SEC14L1: variants seen among roughly 807,000 people sequenced by gnomAD.
The protein encoded by SEC14L1 is SEC14-like protein 1.
In SEC14L1, 48 loss-of-function variants were observed where a neutral mutation model predicts 85.3. The observed-to-expected ratio is 0.56, with a 90% CI of 0.45 to 0.72. The LOEUF (loss-of-function observed/expected upper bound fraction) is 0.72. Among genes scored for constraint, SEC14L1 ranks in the 30% least tolerant of loss-of-function variants. The pLI, the probability that SEC14L1 is intolerant of heterozygous loss-of-function variation, is 0.00. For synonymous variants in SEC14L1, 391 were observed against 355.5 expected, an observed-to-expected ratio of 1.10 and a Z score of -1.12; for missense variants, 682 against 921.4, an observed-to-expected ratio of 0.74 and a Z score of 3.36.
At position 77,200,493 on chromosome 17, in the gene SEC14L1, G is replaced by C. The variant is rs769539109; in HGVS notation, c.829G>C (p.Asp277His). 4.3e-6 allele frequency: 7 copies of C among 1,612,628 alleles called. No homozygotes were observed. The South Asian group carries it at 7.7e-5, about 18-fold the overall frequency. Residue 277 changes from aspartate (D) to histidine (H), a missense_variant, in exon 9 of 17, where the codon GAT becomes CAT. Physicochemically the swap from Asp to His is moderately conservative, Grantham distance 81. Transcript: ENST00000436233. ...QETHKGKIPK[D>H]EHILRFLRAR... is the part of the protein sequence containing the mutation. ...CTTTTTCTCTTAATAGATTCCAAAA[G>C]ATGAGCATATTCTTCGGTTCCTCCG...
chr17:77,213,203 C>A lies in SEC14L1; in HGVS notation c.1864-111C>A. 1 of 901,378 alleles carries A rather than the reference C, an allele frequency of 1.1e-6. No individual in the cohort carries two copies. The highest frequency in any genetic ancestry group is 1.6e-6 in the Non-Finnish European group (1 of 606,742). 55.8% of individuals were successfully genotyped at this position (901,378 alleles called of 1,614,324 possible). Reference sequence around the variant, plus strand: ...GTTCTGAATCCCATTGAGATAGTTTCCGTAGCTACATGAAATCCTAAAGAC... The same window carrying A: ...GTTCTGAATCCCATTGAGATAGTTTACGTAGCTACATGAAATCCTAAAGAC... On this transcript the variant is annotated intron_variant, in intron 15 of 16. Coordinates refer to ENST00000436233, the MANE Select transcript of SEC14L1 (RefSeq NM_001143998.2). The surrounding 1 kb of genome is among the most constrained non-coding windows in gnomAD (Gnocchi z 7.1).
chr17:77,123,402 C>A (rs1182106485), intron 3 of SEC14L1, among the ~76,000 whole-genome samples: 2 of 126,866 alleles, frequency 1.6e-5, no homozygotes, highest in Admixed American at 1.7e-4. Flanking sequence ...TGAAGTGGGT[C>A]CCAGGCCCAC....
Position 77,182,753 on chromosome 17 carries a change from A to G in SEC14L1, c.64-8050A>G, listed in dbSNP as rs189046227. On this transcript the variant is annotated intron_variant, in intron 3 of 16. Transcript: ENST00000436233. ...CGGCGCAGTGATTTGAACCTGGGAGAGTTGAAAAAGGGGTTCTTCCCACAT... is the reference window on the plus strand; with the variant it reads ...CGGCGCAGTGATTTGAACCTGGGAGGGTTGAAAAAGGGGTTCTTCCCACAT... Among the ~76,000 whole-genome samples, 7 of 152,282 alleles carry G rather than the reference A, an allele frequency of 4.6e-5. No homozygotes were observed. The East Asian group carries it at 1.3e-3, about 29-fold the overall frequency.
chr17:77,169,261 C>T (rs1486520609), intron 3 of SEC14L1, among the ~76,000 whole-genome samples: 1 of 152,102 alleles, frequency 6.6e-6, no homozygotes, highest in Non-Finnish European at 1.5e-5. Context: ...TAATCTTTCC[C>T]CTTGCCATGA....
intron 3 of SEC14L1, among the ~76,000 whole-genome samples, chr17:77,159,677 C>A (rs1364629593): frequency 6.6e-6 from 1 of 152,224 alleles, no homozygotes; most frequent in Admixed American, 6.5e-5. Flanking sequence ...CCGCTCCCGG[C>A]CCTTGTCTTT....
intron 3 of SEC14L1, among the ~76,000 whole-genome samples, chr17:77,108,059 G>A (rs1278211093): frequency 1.3e-5 from 2 of 151,980 alleles, no homozygotes; most frequent in Non-Finnish European, 2.9e-5. Context: ...AAATGTTTGT[G>A]TCAGTTTTCA....
chr17:77,203,587 G>C lies in SEC14L1; in HGVS notation c.1027G>C (p.Val343Leu). 1 of 1,613,600 alleles carries C rather than the reference G, an allele frequency of 6.2e-7. No homozygotes were observed. Among genetic ancestry groups the C allele is most frequent in the Non-Finnish European group, 8.5e-7 (1 of 1,179,860 alleles). The change falls in exon 10 of 17, where the codon GTG (valine) becomes CTG (leucine). Residue 343 changes from valine (V) to leucine (L), a missense_variant. Coordinates refer to ENST00000436233, the MANE Select transcript of SEC14L1 (RefSeq NM_001143998.2). ...CTCTGCAGATGGGCGGCCCCTCTAC[G>C]TGCTCAGGCTGGGGCAGATGGACAC... The part of the protein sequence containing the change: ...HHDKDGRPLY[V>L]LRLGQMDTKG...
intron 3 of SEC14L1, among the ~76,000 whole-genome samples, chr17:77,116,796 C>G (rs1972179556): frequency 6.6e-6 from 1 of 152,130 alleles, no homozygotes. Context: ...TCTTTCATGT[C>G]TGTAAGGAGC....
At chr17:77,089,867 A>AT (rs1357067786) in intron 2 of SEC14L1, 1 of 172,052 alleles carries the variant, frequency 5.8e-6, no homozygotes, top group East Asian at 1.9e-4. Context: ...AATACAAAAA[A>AT]TTAGCTGGGC....
intron 3 of SEC14L1, among the ~76,000 whole-genome samples, chr17:77,101,090 C>G (rs1367850060): frequency 6.6e-6 from 1 of 152,144 alleles, no homozygotes; most frequent in Non-Finnish European, 1.5e-5. Context: ...TTGCCAGTCT[C>G]TACCCAGAAG....
At chr17:77,192,087 G>T (rs563469849) in intron 5 of SEC14L1, among the ~76,000 whole-genome samples, 9 of 152,110 alleles carry the variant, frequency 5.9e-5, no homozygotes, top group Non-Finnish European at 1.3e-4. Context: ...GAGCCACCAC[G>T]CCTGGCCTTA....
In SEC14L1 at chr17:77,213,849, A is replaced by G; in HGVS notation, c.2043-69A>G. On this transcript the variant is annotated intron_variant, in intron 16 of 16. Transcript: ENST00000436233. The surrounding 1 kb of genome is among the most constrained non-coding windows in gnomAD (Gnocchi z 7.1). ...AACAGGGTGGGCCACGAAGTCCAGCAGGCAGTGTGGGCCGGCGGGTGGTTG... is the reference window on the plus strand; with the variant it reads ...AACAGGGTGGGCCACGAAGTCCAGCGGGCAGTGTGGGCCGGCGGGTGGTTG... The G allele has an allele frequency of 6.3e-7, 1 of 1,578,096 alleles. No homozygotes were observed. The highest frequency in any genetic ancestry group is 1.3e-5 in the African/African-American group (1 of 74,390).
intron 2 of SEC14L1, chr17:77,089,752 A>G: frequency 4.0e-6 from 1 of 251,078 alleles, no homozygotes; most frequent in Non-Finnish European, 7.8e-6. Flanking sequence ...GCAGTGGCTC[A>G]TGCCTGTAAT....
intron 15 of SEC14L1, chr17:77,212,624 T>A: frequency 5.4e-6 from 1 of 184,856 alleles, no homozygotes; most frequent in Admixed American, 5.5e-5. Context: ...TTTCAAATGC[T>A]TTCAGTTCCC....
rs756653156 is a variant in SEC14L1, at chr17:77,191,344, C to T, written c.345+32C>T. Reference sequence around the variant, plus strand: ...AATCTGTCACTCGGCGGAAGATGTTCTGCCGACATATGGCTTCTGAGGATT... The same window carrying T: ...AATCTGTCACTCGGCGGAAGATGTTTTGCCGACATATGGCTTCTGAGGATT... On this transcript the variant is annotated intron_variant, in intron 5 of 16. Coordinates refer to ENST00000436233, the MANE Select transcript of SEC14L1 (RefSeq NM_001143998.2). 1.3e-5 allele frequency: 21 copies of T among 1,612,572 alleles called. No homozygotes were observed. In the East Asian group the frequency reaches 4.5e-4, roughly 34 times the overall value.
chr17:77,175,631 G>A (rs192698135), intron 3 of SEC14L1, among the ~76,000 whole-genome samples: 255 of 152,324 alleles, frequency 1.7e-3, no homozygotes, highest in African/African-American at 5.6e-3. Flanking sequence ...AATACTTGAA[G>A]TCACTAGTTA....
intron 3 of SEC14L1, among the ~76,000 whole-genome samples, chr17:77,186,492 C>T (rs1015840057): frequency 1.2e-4 from 19 of 152,246 alleles, no homozygotes; most frequent in Admixed American, 4.6e-4. Flanking sequence ...TCCTTCTGAC[C>T]CTCATGGATG....
intron 3 of SEC14L1, among the ~76,000 whole-genome samples, chr17:77,159,476 G>C (rs1317763080): frequency 2.0e-5 from 3 of 151,304 alleles, no homozygotes; most frequent in Non-Finnish European, 4.4e-5. Flanking sequence ...TGTCTCCCAG[G>C]TTCAAGCGAT....
intron 3 of SEC14L1, among the ~76,000 whole-genome samples, chr17:77,127,365 T>C (rs1160869694): frequency 2.0e-5 from 3 of 151,314 alleles, no homozygotes; most frequent in African/African-American, 7.3e-5. Context: ...CTTTTCTTTT[T>C]TTGAGATGGA....
Sources: gnomAD v4.1 joint callset for allele counts (sites outside exome capture counted in the v4.1 genomes callset) on GRCh38, gnomAD v4.1.1 for gene constraint, Gnocchi (gnomAD v3.1) non-coding constraint, MANE v1.5 for transcripts, NCBI Gene and HGNC (gene_info 2026-07-23, HGNC 2026-07-21) for gene names.